Variants in SULF1 observed in about 807,000 individuals in gnomAD.
SULF1 encodes sulfatase 1, also known as extracellular sulfatase Sulf-1.
SULF1 carries 46 observed loss-of-function variants against 110.5 expected under a neutral mutation model. The ratio of observed to expected loss-of-function variants is 0.42; its 90% CI spans 0.33 to 0.53. The LOEUF (loss-of-function observed/expected upper bound fraction) is 0.53. Among genes scored for constraint, SULF1 ranks in the 20% least tolerant of loss-of-function variants. The pLI is 0.12. For missense variants in SULF1, 941 were observed against 1,094.2 expected (o/e 0.86, Z 1.98); for synonymous variants, 371 against 387.1 (o/e 0.96, Z 0.49).
At chr8:69,609,773 C>A (rs986633206) in intron 13 of SULF1, among the ~76,000 whole-genome samples, 1 of 152,210 alleles carries the variant, frequency 6.6e-6, no homozygotes, top group Admixed American at 6.5e-5. Context: ...ATCATATGGG[C>A]AGCTTTAGAG....
At chr8:69,467,467 T>G (rs1808903318) in intron 1 of SULF1, among the ~76,000 whole-genome samples, 2 of 152,220 alleles carry the variant, frequency 1.3e-5, no homozygotes, top group Non-Finnish European at 2.9e-5. Flanking sequence ...GGAGATTGAC[T>G]CTGAAGTTTG....
chr8:69,601,646 T>G lies in SULF1; in HGVS notation c.886-8T>G, dbSNP rs771003496. 1.2e-5 allele frequency: 20 copies of G among 1,601,064 alleles called. No individual in the cohort carries two copies. Among genetic ancestry groups the G allele is most frequent in the Non-Finnish European group, 1.7e-5 (20 of 1,172,846 alleles). Reference sequence around the variant, plus strand: ...TTGATTCTGACTTGTTCCTTTGCTGTATTTCAGCTGTATAACATGCTCGTG... The same window carrying G: ...TTGATTCTGACTTGTTCCTTTGCTGGATTTCAGCTGTATAACATGCTCGTG... On this transcript the variant is annotated splice_region_variant and splice_polypyrimidine_tract_variant and intron_variant, in intron 9 of 22. Transcript: ENST00000402687.
chr8:69,500,182 C>A (rs1448321354), intron 2 of SULF1, among the ~76,000 whole-genome samples: 1 of 152,046 alleles, frequency 6.6e-6, no homozygotes, highest in Non-Finnish European at 1.5e-5. Flanking sequence ...TATTACTGGT[C>A]TAAAAAAAAT....
intron 1 of SULF1, among the ~76,000 whole-genome samples, chr8:69,482,976 T>C (rs1218429786): frequency 6.6e-6 from 1 of 152,082 alleles, no homozygotes; most frequent in Admixed American, 6.6e-5. Flanking sequence ...AATAAAAAAA[T>C]ACAAATTTTA....
intron 6 of SULF1, among the ~76,000 whole-genome samples, chr8:69,583,229 A>G (rs1806200507): frequency 6.6e-6 from 1 of 152,156 alleles, no homozygotes; most frequent in Non-Finnish European, 1.5e-5. Flanking sequence ...CTAAAGCTCT[A>G]TTCTATGAAA....
At chr8:69,534,266 C>T (rs959388391) in intron 3 of SULF1, among the ~76,000 whole-genome samples, 28 of 152,190 alleles carry the variant, frequency 1.8e-4, no homozygotes, top group African/African-American at 6.5e-4. Context: ...AAAGCATTTA[C>T]AAATAATTTG....
chr8:69,504,802 C>T (rs890085663), intron 3 of SULF1, among the ~76,000 whole-genome samples: 1 of 152,100 alleles, frequency 6.6e-6, no homozygotes, highest in African/African-American at 2.4e-5. Flanking sequence ...TCACTTCCCA[C>T]CACTACCTCT....
intron 22 of SULF1, among the ~76,000 whole-genome samples, chr8:69,655,418 C>T (rs555112743): frequency 6.6e-6 from 1 of 152,342 alleles, no homozygotes; most frequent in East Asian, 1.9e-4. Context: ...CTTATTTACT[C>T]TTGCTCCCTT....
chr8:69,643,000 CT>C (rs1437691608), intron 22 of SULF1, among the ~76,000 whole-genome samples: 4 of 152,010 alleles, frequency 2.6e-5, no homozygotes, highest in Admixed American at 1.3e-4. Flanking sequence ...TTACCTGTTG[CT>C]TTTTTTTTCC....
rs765825581 is a variant in SULF1, at chr8:69,601,802, G to T, written c.1034G>T (p.Arg345Leu). The T allele has an allele frequency of 6.2e-7, 1 of 1,611,564 alleles. No individual in the cohort carries two copies. The highest frequency in any genetic ancestry group is 8.5e-7 in the Non-Finnish European group (1 of 1,178,968). ...GATATTCGTGTGCCTTTTTTTATTC[G>T]TGGTCCAAGTGTAGAACCAGGATCA... ...DFDIRVPFFIRGPSVEPGSIV... is the reference protein window; with the variant it reads ...DFDIRVPFFILGPSVEPGSIV... The change falls in exon 10 of 23, where the codon CGT becomes CTT. Residue 345 changes from arginine (R) to leucine (L), a missense_variant. By Grantham distance (102) the Arg-to-Leu change is moderately radical (BLOSUM62 -2). Around this residue, in one of 3 missense-constraint regions of SULF1, gnomAD observed 822 missense variants for 934.3 expected, o/e 0.88. Coordinates refer to ENST00000402687, the MANE Select transcript of SULF1 (RefSeq NM_001128205.2).
chr8:69,535,707 A>G (rs1269493424), intron 3 of SULF1, among the ~76,000 whole-genome samples: 1 of 152,130 alleles, frequency 6.6e-6, no homozygotes, highest in Non-Finnish European at 1.5e-5. Flanking sequence ...GCCACCTACC[A>G]AGGAACAACA....
chr8:69,577,479 A>G (rs1364115605), intron 6 of SULF1, among the ~76,000 whole-genome samples: 1 of 152,172 alleles, frequency 6.6e-6, no homozygotes, highest in African/African-American at 2.4e-5. Context: ...GCTTCTGGGA[A>G]GTGTTGTGTG....
At chr8:69,633,927 A>C (rs1341476285) in intron 19 of SULF1, among the ~76,000 whole-genome samples, 2 of 152,142 alleles carry the variant, frequency 1.3e-5, no homozygotes, top group Non-Finnish European at 2.9e-5. Context: ...CAAGTTTAAA[A>C]CCCATTTAAA....
intron 22 of SULF1, among the ~76,000 whole-genome samples, chr8:69,651,846 G>A (rs1352402810): frequency 1.3e-5 from 2 of 152,024 alleles, no homozygotes; most frequent in African/African-American, 2.4e-5. Context: ...TTATCTCTTA[G>A]ATATATTAGT....
intron 3 of SULF1, among the ~76,000 whole-genome samples, chr8:69,557,619 T>G (rs954470265): frequency 3.9e-5 from 6 of 152,042 alleles, no homozygotes; most frequent in African/African-American, 1.5e-4. Context: ...TAAGTTTATT[T>G]ATTTCTATGT....
intron 22 of SULF1, among the ~76,000 whole-genome samples, chr8:69,646,426 ATTT>A (rs10578329): frequency 0.014 from 2,059 of 145,048 alleles, 29 homozygotes; most frequent in African/African-American, 0.038. Context: ...TATTATCCTC[ATTT>A]TTTTTTTTTT....
intron 3 of SULF1, among the ~76,000 whole-genome samples, chr8:69,522,858 A>G (rs530910814): frequency 6.6e-6 from 1 of 152,314 alleles, no homozygotes; most frequent in African/African-American, 2.4e-5. Flanking sequence ...TAAAAGCAAC[A>G]ATGGTGAAGT....
chr8:69,473,497 T>A (rs962689110), intron 1 of SULF1, among the ~76,000 whole-genome samples: 1 of 152,200 alleles, frequency 6.6e-6, no homozygotes, highest in African/African-American at 2.4e-5. Context: ...GAGTGGAGTT[T>A]GGGAACTGGC....
In SULF1 at chr8:69,592,905, T is replaced by G; in HGVS notation, c.734+3764T>G. On this transcript the variant is annotated intron_variant, in intron 8 of 22. Transcript: ENST00000402687. ...CCCATTGTGATGAGCCTCTCACACC[T>G]GGCCATTCCAATGGAACAGACAGGG... The G allele has an allele frequency of 3.0e-6, 3 of 987,328 alleles. No homozygotes were observed. The South Asian group carries it at 1.4e-4, about 46-fold the overall frequency. The allele number at this position is 987,328 out of a possible 1,614,324, so 61.2% of individuals were successfully genotyped here.
Sources: allele counts gnomAD v4.1 joint callset (sites outside exome capture counted in the v4.1 genomes callset), GRCh38; gene constraint gnomAD v4.1.1; regional missense constraint gnomAD v4.1.1; transcripts MANE v1.5; gene names NCBI Gene and HGNC (gene_info 2026-07-23, HGNC 2026-07-21).